AGBL4: variants seen among roughly 807,000 people sequenced by gnomAD.
AGBL4 encodes the protein AGBL carboxypeptidase 4.
In AGBL4, 58 loss-of-function variants were observed where a neutral mutation model predicts 66.4. That is an observed-to-expected ratio of 0.87 (90% CI 0.71 to 1.09). The LOEUF is 1.09. Ranked by LOEUF, AGBL4 falls within the 50% of genes least tolerant of loss-of-function variation. The pLI is 0.00. For synonymous variants in AGBL4, 234 were observed against 222.9 expected, an observed-to-expected ratio of 1.05 and a Z score of -0.44; for missense variants, 579 against 631.0, an observed-to-expected ratio of 0.92 and a Z score of 0.88.
intron 3 of AGBL4, among the ~76,000 whole-genome samples, chr1:49,459,140 C>A (rs1335585972): frequency 6.6e-6 from 1 of 151,352 alleles, no homozygotes; most frequent in Admixed American, 6.6e-5. Flanking sequence ...GAAGCATTTT[C>A]TCTTTCTCTA....
At chr1:48,577,963 G>T (rs955192041) in intron 11 of AGBL4, among the ~76,000 whole-genome samples, 9 of 152,178 alleles carry the variant, frequency 5.9e-5, no homozygotes, top group African/African-American at 1.9e-4. Context: ...CTTTGAGCTG[G>T]ATCAATCTGG....
At chr1:49,551,359 T>C (rs964540621) in intron 3 of AGBL4, among the ~76,000 whole-genome samples, 1 of 152,198 alleles carries the variant, frequency 6.6e-6, no homozygotes, top group Non-Finnish European at 1.5e-5. Context: ...TTTTGAAAGA[T>C]GTTAAAGAGC....
At chr1:49,120,123 C>G (rs1481100970) in intron 4 of AGBL4, among the ~76,000 whole-genome samples, 1 of 152,162 alleles carries the variant, frequency 6.6e-6, no homozygotes, top group African/African-American at 2.4e-5. Context: ...TGGGTCTTGA[C>G]TCTATCCAAT....
chr1:49,128,143 T>C (rs1645804045), intron 4 of AGBL4, among the ~76,000 whole-genome samples: 1 of 151,988 alleles, frequency 6.6e-6, no homozygotes, highest in South Asian at 2.1e-4. Context: ...AAATGAAATT[T>C]CTAGAGATGA....
intron 1 of AGBL4, among the ~76,000 whole-genome samples, chr1:49,903,135 C>CAT (rs1203330047): frequency 6.6e-6 from 1 of 152,100 alleles, no homozygotes; most frequent in African/African-American, 2.4e-5. Context: ...AAAGGTGGTA[C>CAT]ATATATACCA....
chr1:48,930,672 G>A (rs1571027679), intron 5 of AGBL4, among the ~76,000 whole-genome samples: 2 of 152,148 alleles, frequency 1.3e-5, no homozygotes, highest in South Asian at 2.1e-4. Flanking sequence ...AAATGCTCAC[G>A]TGCTGATTAA....
intron 5 of AGBL4, among the ~76,000 whole-genome samples, chr1:48,909,554 C>A (rs1449957767): frequency 6.6e-6 from 1 of 152,082 alleles, no homozygotes; most frequent in East Asian, 1.9e-4. Context: ...TTGAAGACTG[C>A]AATTAGAGTG....
intron 3 of AGBL4, among the ~76,000 whole-genome samples, chr1:49,551,212 T>G (rs1164664158): frequency 6.6e-6 from 1 of 152,238 alleles, no homozygotes; most frequent in Non-Finnish European, 1.5e-5. Flanking sequence ...ATCATTTTTT[T>G]GAATTTCCTT....
At chr1:48,648,404 T>TC (rs1205955391) in intron 8 of AGBL4, among the ~76,000 whole-genome samples, 11 of 152,094 alleles carry the variant, frequency 7.2e-5, no homozygotes, top group African/African-American at 2.2e-4. Context: ...ATAGAGCCTC[T>TC]CCCCCGCGCT....
chr1:48,603,879 G>C (rs1365249415), intron 9 of AGBL4, among the ~76,000 whole-genome samples: 1 of 152,112 alleles, frequency 6.6e-6, no homozygotes, highest in Non-Finnish European at 1.5e-5. Context: ...ACCGAGGTAG[G>C]TGGATCACCT....
chr1:49,672,180 T>C (rs1322025467), intron 3 of AGBL4, among the ~76,000 whole-genome samples: 2 of 152,178 alleles, frequency 1.3e-5, no homozygotes, highest in African/African-American at 4.8e-5. Flanking sequence ...TCATGTCTTC[T>C]GCAAGAACAT....
chr1:49,313,120 C>T (rs758385998), intron 3 of AGBL4, among the ~76,000 whole-genome samples: 2 of 151,812 alleles, frequency 1.3e-5, no homozygotes, highest in African/African-American at 4.8e-5. Context: ...TGAGAACATG[C>T]GGTGTTTGGT....
chr1:48,702,712 A>G (rs952166946), intron 6 of AGBL4, among the ~76,000 whole-genome samples: 1 of 152,232 alleles, frequency 6.6e-6, no homozygotes, highest in Non-Finnish European at 1.5e-5. Context: ...CCTGGTAAAC[A>G]GGGATGAAAT....
At chr1:49,680,937 A>G (rs1351035150) in intron 3 of AGBL4, among the ~76,000 whole-genome samples, 6 of 151,174 alleles carry the variant, frequency 4.0e-5, no homozygotes, top group African/African-American at 1.5e-4. Context: ...GTTGCTTGGA[A>G]TGGATAATTG....
At chr1:49,957,163 TAA>T (rs1656676359) in intron 1 of AGBL4, among the ~76,000 whole-genome samples, 2 of 152,082 alleles carry the variant, frequency 1.3e-5, no homozygotes, top group African/African-American at 4.8e-5. Context: ...TGTAATTAAA[TAA>T]GAGTGTAATT....
At chr1:49,848,886 CA>C (rs1052801781) in intron 2 of AGBL4, among the ~76,000 whole-genome samples, 4 of 152,054 alleles carry the variant, frequency 2.6e-5, no homozygotes, top group South Asian at 4.2e-4. Flanking sequence ...TAGAGATATG[CA>C]AAATAACTGC....
At chr1:49,626,526 A>T (rs1645466355) in intron 3 of AGBL4, among the ~76,000 whole-genome samples, 1 of 152,134 alleles carries the variant, frequency 6.6e-6, no homozygotes. Context: ...GTGCTTTGGT[A>T]AGTAGGAGTC....
chr1:49,848,150 T>A (rs1646204265), intron 2 of AGBL4, among the ~76,000 whole-genome samples: 2 of 152,170 alleles, frequency 1.3e-5, no homozygotes, highest in Admixed American at 1.3e-4. Context: ...AAGAGAATGC[T>A]TATCAACTGT....
At position 49,245,800 on chromosome 1, in the gene AGBL4, G is replaced by T. The variant is rs1651595056; in HGVS notation, c.347C>A (p.Pro116His). 1 of 1,549,574 alleles carries T rather than the reference G, an allele frequency of 6.5e-7. No individual in the cohort carries two copies. Among genetic ancestry groups the T allele is most frequent in the Non-Finnish European group, 8.7e-7 (1 of 1,145,560 alleles). ...TGGTCTGCTGGTAGATTTCACCATA[G>T]GGGCCATCCCATCTCTATAGAGACT... ...TKSLYRDGMA[P>H]MVKSTSRPKW... The change falls in exon 4 of 14, where the codon CCT becomes CAT. Residue 116 changes from proline (P) to histidine (H), a missense_variant. By Grantham distance (77) the Pro-to-His change is moderately conservative. Coordinates refer to ENST00000371839, the MANE Select transcript of AGBL4 (RefSeq NM_032785.4).
Sources: allele counts gnomAD v4.1 joint callset (sites outside exome capture counted in the v4.1 genomes callset), GRCh38; gene constraint gnomAD v4.1.1; transcripts MANE v1.5; gene names NCBI Gene and HGNC (gene_info 2026-07-23, HGNC 2026-07-21).